The following FAAH2 variants were observed in gnomAD, a reference collection of about 807,000 sequenced individuals.
FAAH2 encodes fatty acid amide hydrolase 2.
In FAAH2, 60 loss-of-function variants were observed where a neutral mutation model predicts 36.9. That is an observed-to-expected ratio of 1.63 (90% CI 1.32 to 2.02). FAAH2 has a LOEUF of 2.02. Ranked by LOEUF, FAAH2 falls within the 30% of genes most tolerant of loss-of-function variation. FAAH2 has a pLI of 0.00. For missense variants in FAAH2, 689 were observed against 397.5 expected, an observed-to-expected ratio of 1.73 and a Z score of -6.23; for synonymous variants, 214 against 143.8, an observed-to-expected ratio of 1.49 and a Z score of -3.49.
intron 7 of FAAH2, chrX:57,393,176 T>A (rs1387079411): frequency 1.7e-6 from 2 of 1,177,515 alleles, no homozygotes; most frequent in Non-Finnish European, 2.3e-6. Context: ...CTTGAATGCA[T>A]TCACGGCCAC....
chrX:57,386,947 T>C (rs758896607), intron 7 of FAAH2, among the ~76,000 whole-genome samples: 1 of 112,173 alleles, frequency 8.9e-6, no homozygotes, highest in African/African-American at 3.2e-5. Flanking sequence ...TTGAAATACA[T>C]GTGAATTCAT....
At chrX:57,258,886 T>G in the FAAH2 span, among the ~76,000 whole-genome samples, 1 of 108,559 alleles carries the variant, frequency 9.2e-6, no homozygotes, top group Admixed American at 1.0e-4. Flanking sequence ...TTTTGTTTTT[T>G]TTTTTTTGGA....
At position 57,331,607 on chromosome X, in the gene FAAH2, A is replaced by G. The variant is rs912937032; in HGVS notation, c.422A>G (p.Asn141Ser). Residue 141 changes from asparagine to serine, a missense_variant, in exon 4 of 11, where the codon AAT becomes AGT. By Grantham distance (46) the Asn-to-Ser change is conservative (BLOSUM62 1). Coordinates refer to ENST00000374900, the MANE Select transcript of FAAH2 (RefSeq NM_174912.4). ...TCTGTGACTCTTTTAGGAATGCCCA[A>G]TTCTTCTGGACTCATGAACCGTCGT... ...KEAFQLQGMP[N>S]SSGLMNRRDA... 4.1e-6 allele frequency: 5 copies of G among 1,205,084 alleles called. No individual in the cohort carries two copies. Among genetic ancestry groups the G allele is most frequent in the Non-Finnish European group, 4.5e-6 (4 of 892,377 alleles).
the FAAH2 span, among the ~76,000 whole-genome samples, chrX:57,223,861 G>T: frequency 9.0e-6 from 1 of 111,323 alleles, no homozygotes; most frequent in African/African-American, 3.3e-5. Context: ...ATTATCCAAG[G>T]CATCTCTACA....
At chrX:57,393,440 G>T in intron 7 of FAAH2, 2 of 830,079 alleles carry the variant, frequency 2.4e-6, no homozygotes, top group Non-Finnish European at 3.7e-6. Flanking sequence ...TCCAAATCCC[G>T]CCTCCGTCAC....
At chrX:57,176,985 T>C in the FAAH2 span, among the ~76,000 whole-genome samples, 1 of 110,468 alleles carries the variant, frequency 9.1e-6, no homozygotes, top group African/African-American at 3.3e-5. Context: ...CCCATAAAGC[T>C]TATCTTGTTC....
chrX:57,360,350 T>A (rs1178421441), intron 5 of FAAH2, among the ~76,000 whole-genome samples: 1 of 110,475 alleles, frequency 9.1e-6, no homozygotes, highest in Non-Finnish European at 1.9e-5. Flanking sequence ...TCTTAGACTC[T>A]CTTCACTTTC....
At chrX:57,361,257 CT>C (rs779394318) in intron 5 of FAAH2, among the ~76,000 whole-genome samples, 1 of 110,897 alleles carries the variant, frequency 9.0e-6, no homozygotes. Flanking sequence ...TATGTAAATA[CT>C]TTTTTTTAGT....
intron 7 of FAAH2, among the ~76,000 whole-genome samples, chrX:57,402,553 T>A (rs140612572): frequency 8.9e-6 from 1 of 112,080 alleles, no homozygotes; most frequent in Non-Finnish European, 1.9e-5. Flanking sequence ...TTTTTTCTAA[T>A]GTCTGCAGCT....
intron 10 of FAAH2, among the ~76,000 whole-genome samples, chrX:57,486,336 A>T (rs1387511120): frequency 6.3e-5 from 7 of 111,478 alleles, no homozygotes; most frequent in Admixed American, 5.7e-4. Context: ...ATTGTCATAC[A>T]GTCAGTGGGG....
the FAAH2 span, among the ~76,000 whole-genome samples, chrX:57,232,990 G>C: frequency 3.6e-5 from 4 of 112,366 alleles, no homozygotes; most frequent in South Asian, 1.1e-3. Flanking sequence ...TAGTAATTTT[G>C]TGTGTTATAC....
the FAAH2 span, among the ~76,000 whole-genome samples, chrX:57,273,303 A>C: frequency 9.0e-6 from 1 of 111,269 alleles, no homozygotes; most frequent in African/African-American, 3.3e-5. Flanking sequence ...CTCCCACACA[A>C]TAATAATGGG....
At chrX:57,291,852 C>T (rs1177331766) in intron 1 of FAAH2, among the ~76,000 whole-genome samples, 2 of 111,379 alleles carry the variant, frequency 1.8e-5, no homozygotes, top group East Asian at 2.8e-4. Context: ...ACATGCTTAA[C>T]TTAAGACCTT....
chrX:57,449,203 A>G (rs2056739387), intron 10 of FAAH2, among the ~76,000 whole-genome samples: 2 of 112,218 alleles, frequency 1.8e-5, no homozygotes. Context: ...TTTTTAAGCC[A>G]TGGATGGATC....
chrX:57,152,890 TC>T, the FAAH2 span, among the ~76,000 whole-genome samples: 1 of 109,410 alleles, frequency 9.1e-6, no homozygotes, highest in Non-Finnish European at 1.9e-5. Flanking sequence ...CTGGAGCTGT[TC>T]CTATTTGGCC....
upstream of FAAH2, among the ~76,000 whole-genome samples, chrX:57,284,949 T>C (rs1466968172): frequency 8.9e-6 from 1 of 112,176 alleles, no homozygotes; most frequent in African/African-American, 3.2e-5. Context: ...TCAGTGAGCA[T>C]TCTTTGTACC....
chrX:57,137,039 G>T, the FAAH2 span: 3 of 823,881 alleles, frequency 3.6e-6, no homozygotes, highest in South Asian at 5.3e-5. Flanking sequence ...CTTGCTTCCT[G>T]GCGCTCACCT....
At chrX:57,179,221 T>C in the FAAH2 span, among the ~76,000 whole-genome samples, 6 of 111,566 alleles carry the variant, frequency 5.4e-5, no homozygotes, top group Non-Finnish European at 9.4e-5. Flanking sequence ...CAAAAATGTC[T>C]GGATAAAACC....
chrX:57,484,489 A>G (rs1439779307), intron 10 of FAAH2, among the ~76,000 whole-genome samples: 2 of 111,710 alleles, frequency 1.8e-5, no homozygotes, highest in Non-Finnish European at 3.8e-5. Flanking sequence ...TGTAGGGCTC[A>G]TCATGTACAC....
Sources: allele counts gnomAD v4.1 joint callset (sites outside exome capture counted in the v4.1 genomes callset), GRCh38; gene constraint gnomAD v4.1.1; transcripts MANE v1.5; gene names NCBI Gene and HGNC (gene_info 2026-07-23, HGNC 2026-07-21).